Variants in ZFHX2 observed in about 807,000 individuals in gnomAD.
ZFHX2 encodes zinc finger homeobox 2, also known as zinc finger homeobox protein 2.
Under a neutral mutation model 164.8 loss-of-function variants are expected in ZFHX2, and 75 were observed. That is an observed-to-expected ratio of 0.46 (90% CI 0.38 to 0.55). The LOEUF is 0.55. Among genes scored for constraint, ZFHX2 ranks in the 20% least tolerant of loss-of-function variants. The pLI is 0.00. For missense variants in ZFHX2, 2,933 were observed against 3,308.0 expected (o/e 0.89, Z 2.78); for synonymous variants, 1,217 against 1,351.4 (o/e 0.90, Z 2.18).
At position 23,533,502 on chromosome 14, in the gene ZFHX2, C is replaced by T. The variant is rs1263616818; in HGVS notation, c.1824G>A (p.Leu608=). ...GGCCTGGCCCCATCAATCCAGGTGG[C>T]AGGCCCAGCGGCAGCCCCTGGTGCA... ...LMLHQGLPLG[L]PPGLMGPGPP... The change falls in exon 2 of 10, where the codon CTG becomes CTA. Residue 608 remains leucine (L), a synonymous_variant. Transcript: ENST00000419474. The surrounding 1 kb of genome is among the most constrained non-coding windows in gnomAD (Gnocchi z 4.8). 6 of 1,535,936 alleles carry T rather than the reference C, an allele frequency of 3.9e-6. No individual in the cohort carries two copies. The highest frequency in any genetic ancestry group is 2.7e-5 in the African/African-American group (2 of 73,034).
upstream of ZFHX2, among the ~76,000 whole-genome samples, chr14:23,554,900 T>C (rs1233496317): frequency 6.6e-6 from 1 of 152,188 alleles, no homozygotes; most frequent in African/African-American, 2.4e-5. Context: ...CAGATAACCA[T>C]AGTCCTCAGA....
Position 23,533,861 on chromosome 14 carries a change from C to G in ZFHX2, c.1465G>C (p.Gly489Arg). The G allele has an allele frequency of 6.5e-7, 1 of 1,538,478 alleles. No individual in the cohort carries two copies. The highest frequency in any genetic ancestry group is 8.7e-7 in the Non-Finnish European group (1 of 1,147,616). The change falls in exon 2 of 10, where the codon GGG (glycine) becomes CGG (arginine). Residue 489 changes from glycine (G) to arginine (R), a missense_variant. Coordinates refer to ENST00000419474, the MANE Select transcript of ZFHX2 (RefSeq NM_033400.3). The surrounding 1 kb of genome is among the most constrained non-coding windows in gnomAD (Gnocchi z 4.8). ...CGAGCAAGGCGGGGGTGGGCGCCCC[C>G]AGCACTGCAGTAGCTGCAGTGACTG... Reference protein sequence around the residue: ...SNSHCSYCSAGGAHPRLARGE... With the variant: ...SNSHCSYCSARGAHPRLARGE...
At chr14:23,552,406 C>T (rs1020949616), upstream of ZFHX2, among the ~76,000 whole-genome samples, 1 of 151,292 alleles carries the variant, frequency 6.6e-6, no homozygotes. Context: ...GATTCTCCTA[C>T]CTCAGCCTCC....
At chr14:23,529,621 G>T in intron 6 of ZFHX2, 89 bp downstream of exon 6, 1 of 1,295,088 alleles carries the variant, frequency 7.7e-7, no homozygotes, top group South Asian at 1.3e-5. Flanking sequence ...GTCAAAGCAT[G>T]ACAAAATTAC....
Position 23,520,982 on chromosome 14 carries a change from GCTT to G in ZFHX2, c.*977_*979del, listed in dbSNP as rs1023941254. 1 of 150,160 alleles carries G rather than the reference GCTT, an allele frequency of 6.7e-6. No individual in the cohort carries two copies. The highest frequency in any genetic ancestry group is 6.6e-5 in the Admixed American group (1 of 15,060). 9.3% of individuals were successfully genotyped at this position (150,160 alleles called of 1,614,324 possible). ...TGTGCACGTACTCTCTCTCGCTCTTGCTTTTTTGGTTGTGTTTCAGTTTTTTTT... is the reference window on the plus strand; with the variant it reads ...TGTGCACGTACTCTCTCTCGCTCTTGTTTTGGTTGTGTTTCAGTTTTTTTT... On this transcript the variant is annotated 3_prime_UTR_variant, in exon 10 of 10. Coordinates refer to ENST00000419474, the MANE Select transcript of ZFHX2 (RefSeq NM_033400.3). The surrounding 1 kb of genome is among the most constrained non-coding windows in gnomAD (Gnocchi z 8.7).
Position 23,533,173 on chromosome 14 carries a change from G to A in ZFHX2, c.2042-89C>T. On this transcript the variant is annotated intron_variant, in intron 2 of 9. Coordinates refer to ENST00000419474, the MANE Select transcript of ZFHX2 (RefSeq NM_033400.3). The surrounding 1 kb of genome is among the most constrained non-coding windows in gnomAD (Gnocchi z 4.8). Reference sequence around the variant, plus strand: ...GGGAGGTGGGTTAATGAGTAGGATAGTGCTCAGAGGGACTTATGGTTACCT... The same window carrying A: ...GGGAGGTGGGTTAATGAGTAGGATAATGCTCAGAGGGACTTATGGTTACCT... The A allele has an allele frequency of 3.5e-6, 5 of 1,441,566 alleles. No homozygotes were observed. Among genetic ancestry groups the A allele is most frequent in the Non-Finnish European group, 3.6e-6 (4 of 1,101,740 alleles). The allele number at this position is 1,441,566 out of a possible 1,614,324, so 89.3% of individuals were successfully genotyped here.
Position 23,533,559 on chromosome 14 carries a change from G to T in ZFHX2, c.1767C>A (p.Thr589=). The T allele has an allele frequency of 6.5e-7, 1 of 1,536,454 alleles. No homozygotes were observed. The highest frequency in any genetic ancestry group is 8.7e-7 in the Non-Finnish European group (1 of 1,147,000). The change falls in exon 2 of 10, where the codon ACC becomes ACA. Residue 589 remains threonine (T), a synonymous_variant. Coordinates refer to ENST00000419474, the MANE Select transcript of ZFHX2 (RefSeq NM_033400.3). This position sits in a 1 kb window ranked among gnomAD's most constrained non-coding sequence, Gnocchi z 4.8. ...NISRNLRIHM[T]SEKHMQNVLM... The stretch of plus-strand genomic sequence containing the variant: ...GGACATTCTGCATGTGCTTCTCAGA[G>T]GTCATATGGATGCGCAGGTTACGGG...
At chr14:23,552,715 C>T (rs1288058756), upstream of ZFHX2, among the ~76,000 whole-genome samples, 4 of 152,116 alleles carry the variant, frequency 2.6e-5, no homozygotes, top group South Asian at 2.1e-4. Context: ...GATTCTCCTG[C>T]CTCAGCCTCC....
chr14:23,530,627 C>T (rs758801684), intron 4 of ZFHX2: 12 of 348,596 alleles, frequency 3.4e-5, no homozygotes, highest in Admixed American at 8.2e-5. Flanking sequence ...AGGAGATTAC[C>T]GCTCAAGTAA....
upstream of ZFHX2, among the ~76,000 whole-genome samples, chr14:23,552,224 G>T (rs1264445983): frequency 6.6e-6 from 1 of 151,780 alleles, no homozygotes; most frequent in African/African-American, 2.4e-5. Flanking sequence ...AGTCCCCTGA[G>T]CTGGGTTGGG....
chr14:23,540,937 G>A (rs952055921), intron 1 of ZFHX2, among the ~76,000 whole-genome samples: 8 of 150,376 alleles, frequency 5.3e-5, no homozygotes, highest in African/African-American at 9.8e-5. Context: ...ACAGAGTCTC[G>A]CTCTGTCACC....
At chr14:23,548,039 A>G (rs1351214971) in intron 1 of ZFHX2, among the ~76,000 whole-genome samples, 1 of 152,026 alleles carries the variant, frequency 6.6e-6, no homozygotes, top group East Asian at 1.9e-4. Flanking sequence ...TCCCTGAATG[A>G]GTTTACACTC....
At position 23,525,189 on chromosome 14, in the gene ZFHX2, C is replaced by T; in HGVS notation, c.4753G>A (p.Gly1585Arg). The T allele has an allele frequency of 6.5e-7, 1 of 1,536,120 alleles. No individual in the cohort carries two copies. Among genetic ancestry groups the T allele is most frequent in the Non-Finnish European group, 8.7e-7 (1 of 1,146,914 alleles). Residue 1585 changes from glycine to arginine, a missense_variant, in exon 9 of 10, where the codon GGG becomes AGG. Coordinates refer to ENST00000419474, the MANE Select transcript of ZFHX2 (RefSeq NM_033400.3). The surrounding 1 kb of genome is among the most constrained non-coding windows in gnomAD (Gnocchi z 5.9). ...WPIEEEESSR[G>R]NLPPLVPAGR... ...GCAGGCACCAGGGGAGGAAGATTCC[C>T]TCTGGAGCTTTCTTCCTCTTCTATG...
intron 1 of ZFHX2, among the ~76,000 whole-genome samples, chr14:23,550,717 T>C (rs1331087043): frequency 6.6e-6 from 1 of 152,092 alleles, no homozygotes; most frequent in Non-Finnish European, 1.5e-5. Flanking sequence ...CGCTTCACCT[T>C]GAATGGGCTT....
At position 23,525,290 on chromosome 14, in the gene ZFHX2, G is replaced by A; in HGVS notation, c.4652C>T (p.Pro1551Leu). Residue 1551 changes from proline to leucine, a missense_variant, in exon 9 of 10, where the codon CCC becomes CTC. Pro to Leu is a moderately conservative substitution (Grantham distance 98, BLOSUM62 -3). Transcript: ENST00000419474. This position sits in a 1 kb window ranked among gnomAD's most constrained non-coding sequence, Gnocchi z 5.9. ...LDSPVPHLGP[P>L]FLVPEPEAGG... ...TGCCTCAGGCTCTGGGACCAGGAAG[G>A]GTGGGCCCAGATGGGGAACAGGTGA... is the stretch of plus-strand genomic sequence containing the variant. 6.5e-7 allele frequency: 1 copy of A among 1,536,116 alleles called. No homozygotes were observed. The highest frequency in any genetic ancestry group is 8.7e-7 in the Non-Finnish European group (1 of 1,146,912).
In ZFHX2 at chr14:23,523,011, C is replaced by T. The variant is rs2138653386; in HGVS notation, c.6740-70G>A. The T allele has an allele frequency of 1.4e-6, 2 of 1,422,886 alleles. No individual in the cohort carries two copies. Among genetic ancestry groups the T allele is most frequent in the East Asian group, 2.5e-5 (1 of 39,296 alleles). The allele number at this position is 1,422,886 out of a possible 1,614,324, so 88.1% of individuals were successfully genotyped here. ...CCATCATTCTTCCTGCCATAGGCCA[C>T]CTCCAGCCACACACACCCGTTCCCA... On this transcript the variant is annotated intron_variant, in intron 9 of 9. Coordinates refer to ENST00000419474, the MANE Select transcript of ZFHX2 (RefSeq NM_033400.3). This position sits in a 1 kb window ranked among gnomAD's most constrained non-coding sequence, Gnocchi z 4.1.
chr14:23,532,962 G>A lies in ZFHX2; in HGVS notation c.2164C>T (p.Leu722=), dbSNP rs1240844551. 1 of 1,536,108 alleles carries A rather than the reference G, an allele frequency of 6.5e-7. No individual in the cohort carries two copies. The highest frequency in any genetic ancestry group is 8.7e-7 in the Non-Finnish European group (1 of 1,146,920). The change falls in exon 3 of 10, where the codon CTA becomes TTA. Residue 722 remains leucine, a synonymous_variant. Coordinates refer to ENST00000419474, the MANE Select transcript of ZFHX2 (RefSeq NM_033400.3). ...TCTGTGCTGAAGGCCTGGCACACTAGGCAGCGGAACACCTTCAGGGACAGG... is the reference window on the plus strand; with the variant it reads ...TCTGTGCTGAAGGCCTGGCACACTAAGCAGCGGAACACCTTCAGGGACAGG... ...DSLSLKVFRC[L]VCQAFSTDSL...
chr14:23,555,474 C>A (rs1382174748), upstream of ZFHX2, among the ~76,000 whole-genome samples: 1 of 152,178 alleles, frequency 6.6e-6, no homozygotes, highest in Non-Finnish European at 1.5e-5. Flanking sequence ...TGGGCCTTTG[C>A]TTAGGCTATT....
At chr14:23,552,259 T>C (rs1882026263), upstream of ZFHX2, among the ~76,000 whole-genome samples, 1 of 151,834 alleles carries the variant, frequency 6.6e-6, no homozygotes, top group Non-Finnish European at 1.5e-5. Context: ...CTCCTCATCT[T>C]CAGTTTATCG....
Sources: allele counts gnomAD v4.1 joint callset (sites outside exome capture counted in the v4.1 genomes callset), GRCh38; gene constraint gnomAD v4.1.1; non-coding constraint Gnocchi (gnomAD v3.1); transcripts MANE v1.5; gene names NCBI Gene and HGNC (gene_info 2026-07-23, HGNC 2026-07-21).